The following MGAT4C variants were observed in gnomAD, a reference collection of about 807,000 sequenced individuals.
MGAT4C encodes the protein MGAT4 family member C, also known as alpha-1,3-mannosyl-glycoprotein 4-beta-N-acetylglucosaminyltransferase C.
In MGAT4C, 19 loss-of-function variants were observed where a neutral mutation model predicts 40.1. The observed-to-expected ratio is 0.47, with a 90% CI of 0.33 to 0.70. The LOEUF (loss-of-function observed/expected upper bound fraction) is 0.70, where lower values mean the gene tolerates loss of function less well. Among genes scored for constraint, MGAT4C ranks in the 30% least tolerant of loss-of-function variants. The probability of loss-of-function intolerance (pLI) is 0.02; values close to 1 mark genes in which losing one functional copy is unlikely to be tolerated. For missense variants in MGAT4C, 491 were observed against 563.2 expected (o/e 0.87, Z 1.30); for synonymous variants, 181 against 187.1 (o/e 0.97, Z 0.27).
In MGAT4C at chr12:86,087,177, GAT is replaced by G. The variant is rs201141449; in HGVS notation, c.-56-37456_-56-37455del. Reference sequence around the variant, plus strand: ...CCATACACGCATTTCCTTTCTATTGGATATATACCCAGCAATGGGATTCCTGG... The same window carrying G: ...CCATACACGCATTTCCTTTCTATTGGATATACCCAGCAATGGGATTCCTGG... On this transcript the variant is annotated intron_variant, in intron 1 of 4. Coordinates refer to ENST00000611864, the MANE Select transcript of MGAT4C (RefSeq NM_001351288.2). Among the ~76,000 whole-genome samples the G allele has an allele frequency of 5.2e-3, 787 of 152,056 alleles. 32 individuals are homozygous for G. The South Asian group carries it at 0.085, about 16-fold the overall frequency.
chr12:86,599,042 A>C (rs2136457194), intron 2 of MGAT4C, among the ~76,000 whole-genome samples: 1 of 152,280 alleles, frequency 6.6e-6, no homozygotes, highest in South Asian at 2.1e-4. Flanking sequence ...AAATAGTATA[A>C]GTACACCATT....
At chr12:86,322,630 C>T (rs556163864) in intron 4 of MGAT4C, among the ~76,000 whole-genome samples, 2 of 151,848 alleles carry the variant, frequency 1.3e-5, no homozygotes, top group South Asian at 4.2e-4. Flanking sequence ...GCTGGTAGAG[C>T]TGTCATTGCT....
intron 3 of MGAT4C, among the ~76,000 whole-genome samples, chr12:86,426,414 AAC>A (rs1438502044): frequency 2.8e-4 from 42 of 152,314 alleles, no homozygotes; most frequent in African/African-American, 9.6e-4. Context: ...CACTATAATA[AAC>A]ACATTTATCT....
chr12:86,534,751 G>C (rs1959041713), intron 2 of MGAT4C, among the ~76,000 whole-genome samples: 1 of 151,956 alleles, frequency 6.6e-6, no homozygotes, highest in Non-Finnish European at 1.5e-5. Context: ...AATGGTTTTT[G>C]CTTCATAATA....
intron 2 of MGAT4C, among the ~76,000 whole-genome samples, chr12:86,477,939 C>T (rs182622354): frequency 6.6e-6 from 1 of 152,236 alleles, no homozygotes; most frequent in African/African-American, 2.4e-5. Flanking sequence ...AAACAGTCTT[C>T]GAACTAACTT....
Position 86,283,792 on chromosome 12 carries a change from T to C in MGAT4C, c.-57+50273A>G, listed in dbSNP as rs12309297. On this transcript the variant is annotated intron_variant, in intron 4 of 7. Transcript: ENST00000548651. The stretch of plus-strand genomic sequence containing the variant: ...CTCTATTTGTCTAAATAAATGTCTG[T>C]ATGTGACATGTTTATAGCTGTTGGA... 6.9e-3 allele frequency among the ~76,000 whole-genome samples: 1,045 copies of C among 152,230 alleles called. 15 individuals carry two copies. The highest frequency in any genetic ancestry group is 0.024 in the African/African-American group (1,003 of 41,556).
intron 2 of MGAT4C, among the ~76,000 whole-genome samples, chr12:86,576,017 C>G (rs1181919313): frequency 1.3e-5 from 2 of 151,964 alleles, no homozygotes; most frequent in Admixed American, 6.6e-5. Context: ...TAGATGTAAG[C>G]CATTTTAACT....
chr12:86,180,437 G>A (rs1887985983), intron 1 of MGAT4C, among the ~76,000 whole-genome samples: 2 of 152,140 alleles, frequency 1.3e-5, no homozygotes, highest in Non-Finnish European at 2.9e-5. Flanking sequence ...CCCTAGAGTG[G>A]TAGATACACA....
At chr12:86,511,084 G>A (rs376234496) in intron 2 of MGAT4C, among the ~76,000 whole-genome samples, 1 of 151,928 alleles carries the variant, frequency 6.6e-6, no homozygotes, top group African/African-American at 2.4e-5. Flanking sequence ...TGACCACATA[G>A]TTGGAAGTAA....
intron 2 of MGAT4C, among the ~76,000 whole-genome samples, chr12:86,535,718 A>G (rs1959056943): frequency 1.3e-5 from 2 of 152,104 alleles, no homozygotes; most frequent in South Asian, 2.1e-4. Flanking sequence ...GAAATCACTA[A>G]TAAGGCATCC....
chr12:86,344,674 C>A (rs182642334), intron 3 of MGAT4C, among the ~76,000 whole-genome samples: 47 of 146,288 alleles, frequency 3.2e-4, no homozygotes, highest in African/African-American at 1.1e-3. Context: ...ATGTCATTTT[C>A]TTTAAGTGTT....
chr12:86,655,356 G>A (rs544529716), intron 2 of MGAT4C, among the ~76,000 whole-genome samples: 21 of 152,130 alleles, frequency 1.4e-4, no homozygotes, highest in Admixed American at 7.9e-4. Flanking sequence ...GTTGAATAAT[G>A]TGTGTTTCAC....
intron 1 of MGAT4C, among the ~76,000 whole-genome samples, chr12:86,154,253 G>A (rs542589000): frequency 2.6e-5 from 4 of 152,244 alleles, no homozygotes; most frequent in African/African-American, 9.6e-5. Flanking sequence ...AAATAGGCTG[G>A]GAATTCAACA....
At chr12:86,762,714 A>C (rs1951429179) in intron 1 of MGAT4C, among the ~76,000 whole-genome samples, 1 of 152,256 alleles carries the variant, frequency 6.6e-6, no homozygotes, top group Admixed American at 6.5e-5. Flanking sequence ...GACATTTCAA[A>C]ACATTTTGTC....
intron 1 of MGAT4C, among the ~76,000 whole-genome samples, chr12:86,204,959 T>G (rs952324472): frequency 6.6e-6 from 1 of 152,062 alleles, no homozygotes; most frequent in Admixed American, 6.6e-5. Context: ...GTAAGTTATA[T>G]GTTAAGAATC....
At chr12:86,749,014 AC>A (rs1283888097) in intron 1 of MGAT4C, among the ~76,000 whole-genome samples, 2 of 150,160 alleles carry the variant, frequency 1.3e-5, no homozygotes, top group African/African-American at 4.9e-5. Context: ...CTTTTTGTCT[AC>A]CCACTCATTC....
chr12:86,343,507 A>T (rs1347174774), intron 3 of MGAT4C, among the ~76,000 whole-genome samples: 1 of 152,152 alleles, frequency 6.6e-6, no homozygotes, highest in Non-Finnish European at 1.5e-5. Flanking sequence ...CATATATTTT[A>T]TTGTATATTT....
At chr12:86,021,374 G>T (rs1212560857) in intron 2 of MGAT4C, among the ~76,000 whole-genome samples, 1 of 152,006 alleles carries the variant, frequency 6.6e-6, no homozygotes, top group Non-Finnish European at 1.5e-5. Flanking sequence ...TTAAGAAAAT[G>T]TGGCACATAT....
intron 1 of MGAT4C, among the ~76,000 whole-genome samples, chr12:86,179,268 G>A (rs1243750999): frequency 6.6e-6 from 1 of 152,088 alleles, no homozygotes; most frequent in Non-Finnish European, 1.5e-5. Flanking sequence ...GTGATTCTGA[G>A]GCCTCCCCAG....
Sources: gnomAD v4.1 joint callset for allele counts (sites outside exome capture counted in the v4.1 genomes callset) on GRCh38, gnomAD v4.1.1 for gene constraint, MANE v1.5 for transcripts, NCBI Gene and HGNC (gene_info 2026-07-23, HGNC 2026-07-21) for gene names.